The following GRID2 variants were observed in gnomAD, a reference collection of about 807,000 sequenced individuals.
GRID2 encodes the protein glutamate ionotropic receptor delta type subunit 2.
A neutral mutation model predicts 114.8 loss-of-function variants in GRID2; 33 were observed. The observed-to-expected ratio is 0.29, with a 90% CI of 0.22 to 0.38. GRID2 has a LOEUF of 0.38. GRID2 is among the 10% of genes least tolerant of loss of function. The probability of loss-of-function intolerance (pLI) is 1.00; values close to 1 mark genes in which losing one functional copy is unlikely to be tolerated. For missense variants in GRID2, 1,184 were observed against 1,257.7 expected (o/e 0.94, Z 0.89); for synonymous variants, 505 against 449.9 (o/e 1.12, Z -1.55).
At chr4:93,799,711 A>G (rs1734884863) in intron 1 of GRID2, among the ~76,000 whole-genome samples, 1 of 152,192 alleles carries the variant, frequency 6.6e-6, no homozygotes, top group Admixed American at 6.5e-5. Flanking sequence ...GCTAGATGTG[A>G]TATCTCAAGT....
intron 1 of GRID2, among the ~76,000 whole-genome samples, chr4:93,789,684 C>A (rs143008328): frequency 8.5e-4 from 130 of 152,272 alleles, no homozygotes; most frequent in African/African-American, 3.0e-3. Context: ...AAACATTTTT[C>A]AATTTTGAAA....
intron 4 of GRID2, among the ~76,000 whole-genome samples, chr4:93,160,709 G>A (rs780729403): frequency 1.3e-5 from 2 of 151,702 alleles, no homozygotes; most frequent in African/African-American, 2.4e-5. Context: ...ATTCTGTATC[G>A]TGTAGGCATT....
chr4:93,732,956 A>G (rs1730619947), intron 14 of GRID2, among the ~76,000 whole-genome samples: 1 of 152,120 alleles, frequency 6.6e-6, no homozygotes, highest in Non-Finnish European at 1.5e-5. Flanking sequence ...ACAAATAATA[A>G]AAGAGAAAGA....
rs183814722 is a variant in GRID2 at position 93,246,501 on chromosome 4, G to A, written c.1245+8011G>A. On this transcript the variant is annotated intron_variant, in intron 8 of 15. Transcript: ENST00000282020. ...ACTCGGGAGGCTGAGGCAGGAGAATGGCGTGAACCTGGGAGGCAGAGCTTG... is the reference window on the plus strand; with the variant it reads ...ACTCGGGAGGCTGAGGCAGGAGAATAGCGTGAACCTGGGAGGCAGAGCTTG... Among the ~76,000 whole-genome samples the A allele has an allele frequency of 1.6e-3, 242 of 151,584 alleles. 2 individuals carry two copies. The highest frequency in any genetic ancestry group is 5.7e-3 in the African/African-American group (235 of 41,354).
intron 1 of GRID2, among the ~76,000 whole-genome samples, chr4:92,511,941 T>C (rs1724271949): frequency 1.3e-5 from 2 of 151,854 alleles, no homozygotes; most frequent in Admixed American, 6.6e-5. Flanking sequence ...GAACTGAAGC[T>C]CTGTACCCAT....
chr4:93,112,351 T>C (rs1015618775), intron 4 of GRID2: 2 of 152,132 alleles, frequency 1.3e-5, no homozygotes, highest in African/African-American at 4.8e-5. Flanking sequence ...TGAATGGTAA[T>C]TCCCACGTGT....
intron 14 of GRID2, among the ~76,000 whole-genome samples, chr4:93,693,219 A>C (rs1196699334): frequency 6.6e-6 from 1 of 152,190 alleles, no homozygotes; most frequent in Non-Finnish European, 1.5e-5. Context: ...TTCCAGAAGC[A>C]AAGGGTAATA....
chr4:92,917,307 G>A (rs1174881194), intron 2 of GRID2, among the ~76,000 whole-genome samples: 1 of 152,038 alleles, frequency 6.6e-6, no homozygotes, highest in African/African-American at 2.4e-5. Flanking sequence ...CCATTCTGTA[G>A]GTTGCCTGTT....
intron 1 of GRID2, among the ~76,000 whole-genome samples, chr4:92,426,446 C>T (rs904422329): frequency 6.6e-6 from 1 of 152,024 alleles, no homozygotes; most frequent in African/African-American, 2.4e-5. Flanking sequence ...TAGATGTCTA[C>T]CTGATCTAGT....
chr4:92,677,269 T>C (rs1224909364), intron 2 of GRID2, among the ~76,000 whole-genome samples: 1 of 152,110 alleles, frequency 6.6e-6, no homozygotes, highest in African/African-American at 2.4e-5. Context: ...AAGAGCAAAT[T>C]TTAAGTTATA....
At chr4:93,388,408 G>A (rs570205126) in intron 8 of GRID2, among the ~76,000 whole-genome samples, 81 of 152,094 alleles carry the variant, frequency 5.3e-4, no homozygotes, top group Admixed American at 9.8e-4. Flanking sequence ...CTTTGGTGTC[G>A]GGATCTTTTT....
chr4:92,640,313 C>A (rs1265225767), intron 2 of GRID2, among the ~76,000 whole-genome samples: 1 of 151,700 alleles, frequency 6.6e-6, no homozygotes, highest in Non-Finnish European at 1.5e-5. Context: ...TTTTAAAGAA[C>A]CTTAGACATT....
At chr4:93,347,936 G>A (rs1209435446) in intron 8 of GRID2, among the ~76,000 whole-genome samples, 1 of 152,072 alleles carries the variant, frequency 6.6e-6, no homozygotes, top group African/African-American at 2.4e-5. Context: ...TAATATCTGT[G>A]TCTCTAAAAT....
At chr4:92,505,264 T>C (rs939901182) in intron 1 of GRID2, among the ~76,000 whole-genome samples, 1 of 152,050 alleles carries the variant, frequency 6.6e-6, no homozygotes, top group African/African-American at 2.4e-5. Context: ...TCTGTACTTA[T>C]AAAGAATGCT....
intron 13 of GRID2, among the ~76,000 whole-genome samples, chr4:93,580,678 A>G (rs1736882417): frequency 6.6e-6 from 1 of 152,106 alleles, no homozygotes; most frequent in Non-Finnish European, 1.5e-5. Context: ...AAAGCATTAC[A>G]TGGTTAATTG....
At chr4:92,617,372 A>C (rs766528656) in intron 2 of GRID2, among the ~76,000 whole-genome samples, 1 of 150,888 alleles carries the variant, frequency 6.6e-6, no homozygotes, top group Non-Finnish European at 1.5e-5. Flanking sequence ...CTCTCCCTCC[A>C]CTTGTCCCCC....
At chr4:93,595,016 G>C (rs1257420289) in intron 13 of GRID2, among the ~76,000 whole-genome samples, 1 of 152,164 alleles carries the variant, frequency 6.6e-6, no homozygotes, top group Non-Finnish European at 1.5e-5. Context: ...CCCATCTTCT[G>C]CATCGCTCAG....
chr4:92,931,325 C>A (rs1750217412), intron 2 of GRID2, among the ~76,000 whole-genome samples: 1 of 150,664 alleles, frequency 6.6e-6, no homozygotes. Flanking sequence ...AAGAGAACTT[C>A]CACACTTTTC....
chr4:92,406,861 T>C (rs1212549704), intron 1 of GRID2, among the ~76,000 whole-genome samples: 1 of 151,974 alleles, frequency 6.6e-6, no homozygotes, highest in Non-Finnish European at 1.5e-5. Context: ...GCTACATCCA[T>C]GTTGCTGCAA....
Sources: allele counts gnomAD v4.1 joint callset (sites outside exome capture counted in the v4.1 genomes callset), GRCh38; gene constraint gnomAD v4.1.1; transcripts MANE v1.5; gene names NCBI Gene and HGNC (gene_info 2026-07-23, HGNC 2026-07-21).